Variants in AGTPBP1 observed in about 807,000 individuals in gnomAD.
AGTPBP1 encodes cytosolic carboxypeptidase 1.
A neutral mutation model predicts 143.9 loss-of-function variants in AGTPBP1; 70 were observed. The ratio of observed to expected loss-of-function variants is 0.49; its 90% CI spans 0.40 to 0.59. The LOEUF (loss-of-function observed/expected upper bound fraction) is 0.59. Among genes scored for constraint, AGTPBP1 ranks in the 20% least tolerant of loss-of-function variants. The probability of loss-of-function intolerance (pLI) is 0.00; values close to 1 mark genes in which losing one functional copy is unlikely to be tolerated. For missense variants in AGTPBP1, 1,229 were observed against 1,464.5 expected (o/e 0.84, Z 2.62); for synonymous variants, 463 against 500.2 (o/e 0.93, Z 0.99).
In AGTPBP1 at chr9:85,612,882, GT is replaced by G. The variant is rs34585790; in HGVS notation, c.2335+6100del. ...GTGTGAGTAGTAGGAAGAAAAACAG[GT>G]TTTTTTTTTTTCTCCTCACTAAACA... On this transcript the variant is annotated intron_variant, in intron 17 of 25. Transcript: ENST00000357081. Among the ~76,000 whole-genome samples, 129 of 146,938 alleles carry G rather than the reference GT, an allele frequency of 8.8e-4. 1 individual carries two copies. The highest frequency in any genetic ancestry group is 1.7e-3 in the Admixed American group (25 of 14,698).
chr9:85,693,476 C>T (rs1224443524), intron 2 of AGTPBP1, among the ~76,000 whole-genome samples: 1 of 152,076 alleles, frequency 6.6e-6, no homozygotes, highest in Non-Finnish European at 1.5e-5. Context: ...CGCATGCCTG[C>T]AATCCCAGCT....
At chr9:85,634,254 G>A (rs1831886853) in intron 13 of AGTPBP1, among the ~76,000 whole-genome samples, 1 of 150,564 alleles carries the variant, frequency 6.6e-6, no homozygotes, top group African/African-American at 2.4e-5. Context: ...TGGATTGGGA[G>A]TACCAAGAGA....
At chr9:85,705,361 G>C (rs1297930469) in intron 2 of AGTPBP1, among the ~76,000 whole-genome samples, 2 of 151,824 alleles carry the variant, frequency 1.3e-5, no homozygotes, top group Admixed American at 1.3e-4. Flanking sequence ...TATGACAACA[G>C]AATTATCTTC....
At chr9:85,786,072 T>C in the AGTPBP1 span, 59 of 1,428,524 alleles carry the variant, frequency 4.1e-5, no homozygotes, top group African/African-American at 7.3e-4. Context: ...AAATAATATC[T>C]AATTTTTTGG....
chr9:85,733,682 T>G (rs1839034637), intron 1 of AGTPBP1, among the ~76,000 whole-genome samples: 1 of 152,032 alleles, frequency 6.6e-6, no homozygotes, highest in Non-Finnish European at 1.5e-5. Context: ...AGTTGGTGCT[T>G]TGAAAAGATT....
At chr9:85,740,280 T>A (rs1471056421) in intron 1 of AGTPBP1, among the ~76,000 whole-genome samples, 1 of 152,228 alleles carries the variant, frequency 6.6e-6, no homozygotes, top group Non-Finnish European at 1.5e-5. Context: ...GTTGTAATTA[T>A]GTGATTAATC....
At chr9:85,613,331 A>G (rs1830429646) in intron 17 of AGTPBP1, among the ~76,000 whole-genome samples, 1 of 152,022 alleles carries the variant, frequency 6.6e-6, no homozygotes, top group Non-Finnish European at 1.5e-5. Context: ...TAAAGAGAGA[A>G]ATTAATAAGT....
intron 1 of AGTPBP1, among the ~76,000 whole-genome samples, chr9:85,726,880 G>C (rs1838528472): frequency 2.0e-5 from 3 of 152,110 alleles, no homozygotes; most frequent in Admixed American, 1.3e-4. Flanking sequence ...TCACACAATT[G>C]GTGGTGAGAA....
At chr9:85,726,895 C>T (rs934278155) in intron 1 of AGTPBP1, among the ~76,000 whole-genome samples, 1 of 152,100 alleles carries the variant, frequency 6.6e-6, no homozygotes, top group Admixed American at 6.5e-5. Flanking sequence ...TGAGAATCTA[C>T]TATAAGTATA....
At chr9:85,736,007 A>C (rs916857817) in intron 1 of AGTPBP1, among the ~76,000 whole-genome samples, 13 of 152,244 alleles carry the variant, frequency 8.5e-5, no homozygotes, top group African/African-American at 3.1e-4. Context: ...TTAAGTGAGA[A>C]ATGAGCAGAG....
chr9:85,580,112 G>A (rs751661484), intron 23 of AGTPBP1, among the ~76,000 whole-genome samples: 6 of 151,292 alleles, frequency 4.0e-5, no homozygotes, highest in South Asian at 2.1e-4. Flanking sequence ...GTGGCAGGCC[G>A]CTGTAATCCC....
intron 1 of AGTPBP1, among the ~76,000 whole-genome samples, chr9:85,734,012 G>A (rs1839057137): frequency 6.6e-6 from 1 of 152,164 alleles, no homozygotes; most frequent in South Asian, 2.1e-4. Context: ...CCAGCACTTT[G>A]GGAGGCCAAG....
intron 17 of AGTPBP1, among the ~76,000 whole-genome samples, chr9:85,613,653 C>T (rs1331900240): frequency 6.6e-6 from 1 of 152,050 alleles, no homozygotes; most frequent in East Asian, 1.9e-4. Context: ...CAGAATCAGA[C>T]AGTTTTAGAG....
At chr9:85,748,511 T>C in the AGTPBP1 span, among the ~76,000 whole-genome samples, 4 of 152,348 alleles carry the variant, frequency 2.6e-5, 1 homozygote, top group African/African-American at 7.2e-5. Context: ...CTAGGTTGTC[T>C]TATAGATGAA....
At chr9:85,604,098 AGCCCTTGG>A (rs1204728686) in intron 17 of AGTPBP1, among the ~76,000 whole-genome samples, 2 of 152,188 alleles carry the variant, frequency 1.3e-5, no homozygotes, top group African/African-American at 4.8e-5. Context: ...CCGGCTGGAA[AGCCCTTGG>A]GCCTTGAGTG....
the AGTPBP1 span, among the ~76,000 whole-genome samples, chr9:85,764,340 C>G: frequency 2.2e-3 from 331 of 150,368 alleles, 2 homozygotes; most frequent in South Asian, 0.013. Flanking sequence ...ACCAGCCTGG[C>G]CAACATGATA....
the AGTPBP1 span, among the ~76,000 whole-genome samples, chr9:85,748,894 T>C: frequency 6.6e-6 from 1 of 151,606 alleles, no homozygotes; most frequent in African/African-American, 2.4e-5. Context: ...ACTCTTTAAA[T>C]CCATGCTTAG....
intron 18 of AGTPBP1, 78 bp from the exon 19 acceptor site, chr9:85,592,782 ACTTCAGGG>A: frequency 6.5e-7 from 1 of 1,532,880 alleles, no homozygotes; most frequent in Admixed American, 2.3e-5. Flanking sequence ...ATTAAATAGA[ACTTCAGGG>A]AAAAAAGAAA....
At chr9:85,804,612 T>G in the AGTPBP1 span, among the ~76,000 whole-genome samples, 2 of 152,206 alleles carry the variant, frequency 1.3e-5, no homozygotes, top group Non-Finnish European at 2.9e-5. Flanking sequence ...CAGGGGGATT[T>G]ATGGAGATAA....
Sources: allele counts gnomAD v4.1 joint callset (sites outside exome capture counted in the v4.1 genomes callset), GRCh38; gene constraint gnomAD v4.1.1; transcripts MANE v1.5; gene names NCBI Gene and HGNC (gene_info 2026-07-23, HGNC 2026-07-21).